Variants in ADA2 observed in about 807,000 individuals in gnomAD.
ADA2 encodes the protein adenosine deaminase 2.
ADA2 carries 29 observed loss-of-function variants against 44.2 expected under a neutral mutation model. The observed-to-expected ratio is 0.66, with a 90% CI of 0.49 to 0.89. The LOEUF (loss-of-function observed/expected upper bound fraction) is 0.89, where lower values mean the gene tolerates loss of function less well. Ranked by LOEUF, ADA2 falls within the 40% of genes least tolerant of loss-of-function variation. ADA2 has a pLI of 0.00. For missense variants in ADA2, 637 were observed against 644.8 expected, an observed-to-expected ratio of 0.99 and a Z score of 0.13; for synonymous variants, 215 against 234.9, an observed-to-expected ratio of 0.92 and a Z score of 0.77.
intron 4 of ADA2, among the ~76,000 whole-genome samples, chr22:17,201,974 T>G (rs865995543): frequency 8.6e-6 from 1 of 115,952 alleles, no homozygotes; most frequent in South Asian, 2.8e-4. Context: ...TTTCTTTTTT[T>G]TTTTTTTTTT....
rs115508357 is a variant in ADA2 at position 17,197,518 on chromosome 22, G to A, written c.754-5708C>T. On this transcript the variant is annotated intron_variant, in intron 4 of 9. Coordinates refer to ENST00000399837, the MANE Select transcript of ADA2 (RefSeq NM_001282225.2). Reference sequence around the variant, plus strand: ...ACTCCTGAGCTCAAGGGATTCACCTGCCACCATCTCCCAAAGTGCTGGGAC... The same window carrying A: ...ACTCCTGAGCTCAAGGGATTCACCTACCACCATCTCCCAAAGTGCTGGGAC... 6.6e-3 allele frequency among the ~76,000 whole-genome samples: 999 copies of A among 152,210 alleles called. 15 individuals are homozygous for A. The highest frequency in any genetic ancestry group is 0.023 in the African/African-American group (951 of 41,530).
chr22:17,197,420 C>T (rs1268873725), intron 4 of ADA2, among the ~76,000 whole-genome samples: 1 of 152,048 alleles, frequency 6.6e-6, no homozygotes, highest in East Asian at 1.9e-4. Context: ...TACCACCATA[C>T]CTGGCTAATT....
At chr22:17,183,481 G>C (rs1288247538) in intron 7 of ADA2, among the ~76,000 whole-genome samples, 1 of 99,302 alleles carries the variant, frequency 1.0e-5, no homozygotes, top group African/African-American at 4.1e-5. Context: ...TTTTTTTTGA[G>C]ACGGAGTCTT....
chr22:17,193,008 C>T (rs543172667), intron 4 of ADA2: 8 of 645,260 alleles, frequency 1.2e-5, no homozygotes, highest in Middle Eastern at 2.7e-4. Context: ...CCGTAACTGG[C>T]GGAAACCCAG....
chr22:17,182,382 C>T (rs2061982092), intron 8 of ADA2, among the ~76,000 whole-genome samples: 2 of 152,152 alleles, frequency 1.3e-5, no homozygotes, highest in African/African-American at 4.8e-5. Context: ...CAGTCTTGCC[C>T]AAAATTCCAC....
In ADA2 at chr22:17,209,730, A is replaced by G; in HGVS notation, c.-46-7T>C. ...AGATGGAGACTCCACGGGACTGCAA[A>G]GGAGAGTGGGGGAGTGAAAACCTAC... On this transcript the variant is annotated splice_polypyrimidine_tract_variant and splice_region_variant and intron_variant, in intron 1 of 9. Coordinates refer to ENST00000399837, the MANE Select transcript of ADA2 (RefSeq NM_001282225.2). 6.9e-7 allele frequency: 1 copy of G among 1,449,192 alleles called. No homozygotes were observed. Among genetic ancestry groups the G allele is most frequent in the African/African-American group, 1.4e-5 (1 of 71,594 alleles). 89.8% of individuals were successfully genotyped at this position (1,449,192 alleles called of 1,614,324 possible).
chr22:17,193,307 A>G, intron 4 of ADA2: 1 of 522,752 alleles, frequency 1.9e-6, no homozygotes, highest in Non-Finnish European at 3.6e-6. Flanking sequence ...AAAGAAAATG[A>G]GTAGACAGCT....
chr22:17,205,652 T>C (rs1468716616), intron 3 of ADA2, among the ~76,000 whole-genome samples: 1 of 152,210 alleles, frequency 6.6e-6, no homozygotes, highest in African/African-American at 2.4e-5. Context: ...TAGACATTTC[T>C]GTGACCAAAT....
At chr22:17,211,409 G>T (rs967707376) in intron 1 of ADA2, among the ~76,000 whole-genome samples, 2 of 151,928 alleles carry the variant, frequency 1.3e-5, no homozygotes, top group African/African-American at 2.4e-5. Context: ...ACAGCAGGTG[G>T]ATTGCTCAAG....
rs78380051 is a variant in ADA2 at position 17,181,130 on chromosome 22, C to T, written c.*353G>A. On this transcript the variant is annotated 3_prime_UTR_variant, in exon 10 of 10. Transcript: ENST00000399837. ...TCCAGCCTGGGCAACAAGAGCAAAA[C>T]TCCATCTCGAAAAAATACAAAAATA... 1,648 of 179,128 alleles carry T rather than the reference C, an allele frequency of 9.2e-3. 77 individuals carry two copies. The East Asian group carries it at 0.12, about 13-fold the overall frequency. 11.1% of individuals were successfully genotyped at this position (179,128 alleles called of 1,614,324 possible).
chr22:17,199,438 T>TCTTCCCCTCCCACCCCTCCACTATCCA, intron 4 of ADA2: 4 of 995,466 alleles, frequency 4.0e-6, no homozygotes, highest in Non-Finnish European at 3.2e-6. Context: ...TCCTCTATCC[T>TCTTCCCCTCCCACCCCTCCACTATCCA]CTTCCCCTCC....
chr22:17,189,596 T>C (rs1440507356), intron 6 of ADA2, among the ~76,000 whole-genome samples: 1 of 152,022 alleles, frequency 6.6e-6, no homozygotes, highest in African/African-American at 2.4e-5. Flanking sequence ...AGGTGAGCAG[T>C]GTGGGATAGA....
At chr22:17,205,565 T>C (rs1247386709) in intron 3 of ADA2, among the ~76,000 whole-genome samples, 1 of 152,210 alleles carries the variant, frequency 6.6e-6, no homozygotes, top group East Asian at 1.9e-4. Flanking sequence ...CTGTGTGTCC[T>C]TGCATAAGCT....
At chr22:17,214,423 G>A (rs1308996765) in intron 1 of ADA2, among the ~76,000 whole-genome samples, 4 of 152,192 alleles carry the variant, frequency 2.6e-5, no homozygotes, top group Non-Finnish European at 5.9e-5. Context: ...TTATTCAGAG[G>A]TAAAGCCCAT....
chr22:17,199,416 T>TCCTCCCTCCCCCCCTCTATCCTCTTTC, intron 4 of ADA2: 1 of 429,654 alleles, frequency 2.3e-6, no homozygotes, highest in Non-Finnish European at 4.4e-6. Context: ...TCTCAGCGTC[T>TCCTCCCTCCCCCCCTCTATCCTCTTTC]CCTCCCTCCC....
intron 7 of ADA2, among the ~76,000 whole-genome samples, chr22:17,184,584 A>C (rs1198436319): frequency 6.6e-6 from 1 of 152,052 alleles, no homozygotes; most frequent in Non-Finnish European, 1.5e-5. Flanking sequence ...GGTGGGATGC[A>C]TGTACTCTAT....
In ADA2 at chr22:17,216,771, A is replaced by AAC. The variant is rs1555888343; in HGVS notation, c.-47+2583_-47+2584dup. Reference sequence around the variant, plus strand: ...AAGACTCCACCTCAAAAAAAAAAAAAACACACACACACACACACATATATA... The same window carrying AAC: ...AAGACTCCACCTCAAAAAAAAAAAAAACACACACACACACACACACATATATA... On this transcript the variant is annotated intron_variant, in intron 1 of 9. Coordinates refer to ENST00000399837, the MANE Select transcript of ADA2 (RefSeq NM_001282225.2). Among the ~76,000 whole-genome samples the AAC allele has an allele frequency of 1.5e-3, 201 of 135,030 alleles. 1 individual carries two copies. The highest frequency in any genetic ancestry group is 2.6e-3 in the East Asian group (12 of 4,574). 88.6% of individuals were successfully genotyped at this position (135,030 alleles called of 152,430 possible).
At chr22:17,199,613 G>A (rs746416123) in intron 4 of ADA2, 4 of 1,614,092 alleles carry the variant, frequency 2.5e-6, no homozygotes, top group South Asian at 2.2e-5. Flanking sequence ...GAAGCCAGAT[G>A]CTCTCTGGGA....
intron 6 of ADA2, chr22:17,188,814 AC>A (rs2062073604): frequency 7.1e-6 from 1 of 141,276 alleles, no homozygotes; most frequent in Non-Finnish European, 1.5e-5. Context: ...AGGAGGCAGA[AC>A]TTGCAGTGAG....
Sources: allele counts gnomAD v4.1 joint callset (sites outside exome capture counted in the v4.1 genomes callset), GRCh38; gene constraint gnomAD v4.1.1; transcripts MANE v1.5; gene names NCBI Gene and HGNC (gene_info 2026-07-23, HGNC 2026-07-21).